Variants in COLEC11 observed in about 807,000 individuals in gnomAD.
COLEC11 encodes collectin subfamily member 11, also known as collectin-11.
In COLEC11, 20 loss-of-function variants were observed where a neutral mutation model predicts 27.3. The ratio of observed to expected loss-of-function variants is 0.73; its 90% CI spans 0.51 to 1.06. The LOEUF is 1.06. COLEC11 is among the 50% of genes least tolerant of loss of function. The pLI, the probability that COLEC11 is intolerant of heterozygous loss-of-function variation, is 0.00. For synonymous variants in COLEC11, 163 were observed against 154.7 expected (o/e 1.05, Z -0.40); for missense variants, 310 against 383.0 (o/e 0.81, Z 1.59).
At position 3,596,839 on chromosome 2, in the gene COLEC11, C is replaced by T. The variant is rs528332589; in HGVS notation, c.-27+1671C>T. 1.9e-4 allele frequency among the ~76,000 whole-genome samples: 29 copies of T among 152,314 alleles called. No individual in the cohort carries two copies. The South Asian group carries it at 6.0e-3, about 32-fold the overall frequency. On this transcript the variant is annotated intron_variant, in intron 1 of 6. Coordinates refer to ENST00000349077, the MANE Select transcript of COLEC11 (RefSeq NM_024027.5). Reference sequence around the variant, plus strand: ...CCGTTTACAAAATGGAATTCCTCTTCTAAGAAGGCAGTCAGAGGGCGAGAC... The same window carrying T: ...CCGTTTACAAAATGGAATTCCTCTTTTAAGAAGGCAGTCAGAGGGCGAGAC...
At chr2:3,606,912 G>C (rs993947862) in intron 2 of COLEC11, among the ~76,000 whole-genome samples, 6 of 152,234 alleles carry the variant, frequency 3.9e-5, no homozygotes, top group East Asian at 3.8e-4. Context: ...TAAGGAAACA[G>C]ACACACACGC....
At chr2:3,604,229 C>A in intron 1 of COLEC11, 86 bp from the exon 2 acceptor site, 2 of 1,476,728 alleles carry the variant, frequency 1.4e-6, no homozygotes, top group East Asian at 2.3e-5. Flanking sequence ...AGGAGGGCTA[C>A]ACCCCTTGCC....
chr2:3,602,817 A>G lies in COLEC11; in HGVS notation c.-26-1498A>G, dbSNP rs13385581. Among the ~76,000 whole-genome samples the G allele has an allele frequency of 0.26, 39,978 of 151,638 alleles. 5,794 individuals are homozygous for G. The highest frequency in any genetic ancestry group is 0.67 in the East Asian group (3,436 of 5,140). On this transcript the variant is annotated intron_variant, in intron 1 of 6. Transcript: ENST00000349077. This position sits in a 1 kb window ranked among gnomAD's most constrained non-coding sequence, Gnocchi z 6.2. ...GGCTTTCTCTGAGCCGCCCTCACCCACCTGTCAGCGAGGCTTCCCTGGCAA... is the reference window on the plus strand; with the variant it reads ...GGCTTTCTCTGAGCCGCCCTCACCCGCCTGTCAGCGAGGCTTCCCTGGCAA...
At chr2:3,607,167 C>G (rs1389437138) in intron 2 of COLEC11, among the ~76,000 whole-genome samples, 1 of 152,114 alleles carries the variant, frequency 6.6e-6, no homozygotes, top group Non-Finnish European at 1.5e-5. Flanking sequence ...ACGAGTCAGG[C>G]TGCCGCTGAC....
intron 3 of COLEC11, among the ~76,000 whole-genome samples, chr2:3,618,516 C>G (rs1181617274): frequency 6.6e-6 from 1 of 152,170 alleles, no homozygotes; most frequent in Non-Finnish European, 1.5e-5. Context: ...CTTCTCTGCT[C>G]TATTGTCTAT....
intron 3 of COLEC11, among the ~76,000 whole-genome samples, chr2:3,616,506 G>T (rs1164835687): frequency 6.6e-6 from 1 of 152,068 alleles, no homozygotes; most frequent in African/African-American, 2.4e-5. Context: ...TCTGCAATCC[G>T]GGCACCTCGG....
chr2:3,598,647 A>C (rs1255723380), intron 1 of COLEC11, among the ~76,000 whole-genome samples: 1 of 151,442 alleles, frequency 6.6e-6, no homozygotes, highest in Non-Finnish European at 1.5e-5. Flanking sequence ...CCGCGTGAGC[A>C]CAGGGGAGAA....
At chr2:3,636,105 AAGG>A (rs1303526501) in intron 3 of COLEC11, among the ~76,000 whole-genome samples, 1 of 152,220 alleles carries the variant, frequency 6.6e-6, no homozygotes, top group African/African-American at 2.4e-5. Flanking sequence ...CCTTGGTTCT[AAGG>A]AGGCAGGTGG....
At chr2:3,621,964 G>A (rs74666481) in intron 3 of COLEC11, among the ~76,000 whole-genome samples, 2,632 of 152,102 alleles carry the variant, frequency 0.017, 39 homozygotes, top group Admixed American at 0.027. Context: ...GGATCACGAG[G>A]TCAGGAGTTC....
chr2:3,596,525 A>AG (rs540514161), intron 1 of COLEC11, among the ~76,000 whole-genome samples: 130 of 151,878 alleles, frequency 8.6e-4, no homozygotes, highest in African/African-American at 3.0e-3. Flanking sequence ...TTTAGTGGAG[A>AG]GGGGGGTTTC....
intron 4 of COLEC11, among the ~76,000 whole-genome samples, chr2:3,638,553 G>C (rs1302659392): frequency 2.0e-5 from 3 of 152,192 alleles, no homozygotes; most frequent in Non-Finnish European, 4.4e-5. Flanking sequence ...GCTACGGTCT[G>C]GGGTTTGAGC....
At chr2:3,600,807 G>A (rs1273515405) in intron 1 of COLEC11, among the ~76,000 whole-genome samples, 1 of 152,194 alleles carries the variant, frequency 6.6e-6, no homozygotes, top group Non-Finnish European at 1.5e-5. Flanking sequence ...ATGACACCTT[G>A]AGGTATTAAT....
chr2:3,643,012 T>G (rs894851925), intron 5 of COLEC11, among the ~76,000 whole-genome samples: 7 of 152,120 alleles, frequency 4.6e-5, no homozygotes, highest in African/African-American at 1.7e-4. Flanking sequence ...CCTCTTCCAT[T>G]CCTGACAGAC....
intron 3 of COLEC11, among the ~76,000 whole-genome samples, chr2:3,635,961 A>C (rs1196390925): frequency 6.6e-6 from 1 of 152,242 alleles, no homozygotes; most frequent in Non-Finnish European, 1.5e-5. Flanking sequence ...CACTCTCTGC[A>C]GGGGCATGTG....
At chr2:3,639,906 G>T (rs1214446597) in intron 4 of COLEC11, among the ~76,000 whole-genome samples, 1 of 152,234 alleles carries the variant, frequency 6.6e-6, no homozygotes, top group East Asian at 1.9e-4. Context: ...ATCATGCTCC[G>T]TCTGGATTTT....
At position 3,635,060 on chromosome 2, in the gene COLEC11, G is replaced by A. The variant is rs532245031; in HGVS notation, c.203-2473G>A. 4.6e-3 allele frequency among the ~76,000 whole-genome samples: 630 copies of A among 138,386 alleles called. 2 individuals are homozygous for A. The highest frequency in any genetic ancestry group is 8.5e-3 in the Non-Finnish European group (530 of 62,106). 90.8% of individuals were successfully genotyped at this position (138,386 alleles called of 152,430 possible). On this transcript the variant is annotated intron_variant, in intron 3 of 6. Transcript: ENST00000349077. ...AGGTGCCCTCCTGGCCCTTGTCACCGTCCCATGATGATCCCTCTCCCCTGC... is the reference window on the plus strand; with the variant it reads ...AGGTGCCCTCCTGGCCCTTGTCACCATCCCATGATGATCCCTCTCCCCTGC...
intron 2 of COLEC11, among the ~76,000 whole-genome samples, chr2:3,612,215 GAC>G (rs201726036): frequency 2.7e-4 from 40 of 148,928 alleles, no homozygotes; most frequent in African/African-American, 4.6e-4. Context: ...TGCACATGCG[GAC>G]ACACGCACAC....
chr2:3,634,255 G>C (rs952086176), intron 3 of COLEC11, among the ~76,000 whole-genome samples: 6 of 152,246 alleles, frequency 3.9e-5, no homozygotes, highest in African/African-American at 1.4e-4. Context: ...AAGGCAGCCA[G>C]GATAGGGCAG....
chr2:3,627,620 G>C (rs1271047498), intron 3 of COLEC11, among the ~76,000 whole-genome samples: 1 of 150,442 alleles, frequency 6.6e-6, no homozygotes, highest in Non-Finnish European at 1.5e-5. Context: ...CATGAAGATG[G>C]GACACGATGA....
Sources: gnomAD v4.1 joint callset for allele counts (sites outside exome capture counted in the v4.1 genomes callset) on GRCh38, gnomAD v4.1.1 for gene constraint, Gnocchi (gnomAD v3.1) non-coding constraint, MANE v1.5 for transcripts, NCBI Gene and HGNC (gene_info 2026-07-23, HGNC 2026-07-21) for gene names.